The following LPIN2 variants were observed in gnomAD, a reference collection of about 807,000 sequenced individuals.
LPIN2 encodes the protein phosphatidate phosphatase LPIN2.
LPIN2 carries 55 observed loss-of-function variants against 111.4 expected under a neutral mutation model. The ratio of observed to expected loss-of-function variants is 0.49; its 90% CI spans 0.40 to 0.62. LPIN2 has a LOEUF of 0.62. Among genes scored for constraint, LPIN2 ranks in the 20% least tolerant of loss-of-function variants. The pLI, the probability that LPIN2 is intolerant of heterozygous loss-of-function variation, is 0.00. For missense variants in LPIN2, 992 were observed against 1,112.1 expected (o/e 0.89, Z 1.54); for synonymous variants, 425 against 414.0 (o/e 1.03, Z -0.32).
intron 1 of LPIN2, among the ~76,000 whole-genome samples, chr18:3,007,530 T>C (rs2143503763): frequency 6.6e-6 from 1 of 152,370 alleles, no homozygotes; most frequent in South Asian, 2.1e-4. Flanking sequence ...ATGTAATATG[T>C]GGACAGACGT....
rs572608671 is a variant in LPIN2, at chr18:3,008,271, G to C, written c.-10+4816C>G. On this transcript the variant is annotated intron_variant, in intron 1 of 19. Transcript: ENST00000677752. ...AGCCTGGGCAACATGATGATACCTTGTCCTACAGAAAAGTACAAAAATTAG... is the reference window on the plus strand; with the variant it reads ...AGCCTGGGCAACATGATGATACCTTCTCCTACAGAAAAGTACAAAAATTAG... Among the ~76,000 whole-genome samples the C allele has an allele frequency of 3.3e-5, 5 of 152,208 alleles. No homozygotes were observed. In the East Asian group the frequency reaches 9.7e-4, roughly 29 times the overall value.
At chr18:2,934,545 G>A in intron 7 of LPIN2, 95 bp from the exon 8 acceptor site, 2 of 797,490 alleles carry the variant, frequency 2.5e-6, no homozygotes, top group African/African-American at 3.4e-5. Flanking sequence ...AGAGTGACAA[G>A]CAGGATTTGA....
Position 2,924,529 on chromosome 18 carries a change from G to A in LPIN2, c.1956C>T (p.His652=), listed in dbSNP as rs750220265. 1.6e-5 allele frequency: 26 copies of A among 1,614,088 alleles called. No individual in the cohort carries two copies. Among genetic ancestry groups the A allele is most frequent in the African/African-American group, 1.2e-4 (9 of 74,916 alleles). Residue 652 remains histidine, a synonymous_variant, in exon 15 of 20, where the codon CAC becomes CAT. Coordinates refer to ENST00000677752, the MANE Select transcript of LPIN2 (RefSeq NM_001375808.2). ...SSDQIAKLKL[H]DGPNDVVFSI... ...TAAACACAACATCATTTGGGCCATC[G>A]TGGAGCTTCAGTTTTGCCTTTTAAA... is the stretch of plus-strand genomic sequence containing the variant.
intron 10 of LPIN2, 26 bp from the exon 11 acceptor site, chr18:2,928,686 A>C (rs777676234): frequency 1.3e-6 from 2 of 1,579,956 alleles, no homozygotes; most frequent in Non-Finnish European, 1.7e-6. Flanking sequence ...ATTGTGCAAA[A>C]CCATTACACA....
At chr18:2,923,626 A>AC (rs2077088781) in intron 16 of LPIN2, 149 bp downstream of exon 16, 1 of 758,318 alleles carries the variant, frequency 1.3e-6, no homozygotes, top group Non-Finnish European at 2.3e-6. Flanking sequence ...CGGCTCCCAC[A>AC]CCATCAACAG....
At chr18:2,931,591 T>A in intron 8 of LPIN2, 148 bp from the exon 9 acceptor site, 2 of 754,746 alleles carry the variant, frequency 2.6e-6, no homozygotes, top group South Asian at 3.0e-5. Flanking sequence ...TTTTCTTAGA[T>A]AGGGTTTAGA....
At chr18:3,000,813 T>C (rs1329696176) in intron 1 of LPIN2, among the ~76,000 whole-genome samples, 1 of 152,164 alleles carries the variant, frequency 6.6e-6, no homozygotes, top group African/African-American at 2.4e-5. Flanking sequence ...ACTTCCCGTG[T>C]TCCCTCCTAA....
chr18:2,920,914 GGGA>G (rs752730170), intron 18 of LPIN2, 33 bp from the exon 19 acceptor site: 46 of 1,443,288 alleles, frequency 3.2e-5, no homozygotes, highest in East Asian at 4.5e-5. Context: ...GGTGATTCCA[GGGA>G]GGAGAATTCA....
At chr18:2,949,177 G>A (rs2077498453) in intron 4 of LPIN2, among the ~76,000 whole-genome samples, 1 of 152,140 alleles carries the variant, frequency 6.6e-6, no homozygotes, top group Non-Finnish European at 1.5e-5. Context: ...TTCTCCTAGT[G>A]AAGAGAAGGA....
In LPIN2 at chr18:2,937,860, T is replaced by A. The variant is rs2077311442; in HGVS notation, c.1000A>T (p.Thr334Ser). ...IVKPKPRALG[T>S]QMSDPTSVAE... The stretch of plus-strand genomic sequence containing the variant: ...ACAGATGTTGGGTCGCTCATCTGTG[T>A]ACCCAGGGCTCTGGGTTTGGGCTTC... The change falls in exon 7 of 20, where the codon ACA (threonine) becomes TCA (serine). Residue 334 changes from threonine to serine, a missense_variant. By Grantham distance (58) the Thr-to-Ser change is moderately conservative. Coordinates refer to ENST00000677752, the MANE Select transcript of LPIN2 (RefSeq NM_001375808.2). 6.2e-7 allele frequency: 1 copy of A among 1,614,128 alleles called. No homozygotes were observed. The highest frequency in any genetic ancestry group is 2.2e-5 in the East Asian group (1 of 44,866).
At chr18:3,010,459 T>C (rs143903988) in intron 1 of LPIN2, among the ~76,000 whole-genome samples, 1,600 of 152,184 alleles carry the variant, frequency 0.011, 24 homozygotes, top group African/African-American at 0.036. Flanking sequence ...CACGAGACTC[T>C]GGGTCTCATT....
intron 4 of LPIN2, chr18:2,946,470 C>T (rs763911690): frequency 1.3e-6 from 2 of 1,517,778 alleles, no homozygotes; most frequent in Non-Finnish European, 1.8e-6. Context: ...TATGTGCAAG[C>T]ATCGTCGGAA....
chr18:3,000,029 T>C (rs977672721), intron 1 of LPIN2, among the ~76,000 whole-genome samples: 23 of 23,156 alleles, frequency 9.9e-4, no homozygotes, highest in African/African-American at 1.5e-3. Flanking sequence ...ATCTCTGTTT[T>C]GTTTTTTTTT....
At chr18:3,010,784 T>C (rs1293526669) in intron 1 of LPIN2, among the ~76,000 whole-genome samples, 2 of 152,172 alleles carry the variant, frequency 1.3e-5, no homozygotes, top group East Asian at 1.9e-4. Context: ...TGTGCTGATA[T>C]ATATTAGGAA....
At chr18:3,003,094 T>C (rs1459165133) in intron 1 of LPIN2, among the ~76,000 whole-genome samples, 3 of 152,230 alleles carry the variant, frequency 2.0e-5, no homozygotes, top group Non-Finnish European at 2.9e-5. Context: ...GTTATCTCCC[T>C]ATTACAAAAG....
At chr18:2,973,965 G>A (rs940590799) in intron 1 of LPIN2, among the ~76,000 whole-genome samples, 2 of 152,174 alleles carry the variant, frequency 1.3e-5, no homozygotes, top group African/African-American at 4.8e-5. Flanking sequence ...TGCTCATTCT[G>A]TACTATAAAC....
At chr18:3,010,496 T>C (rs565234167) in intron 1 of LPIN2, among the ~76,000 whole-genome samples, 1 of 152,126 alleles carries the variant, frequency 6.6e-6, no homozygotes, top group South Asian at 2.1e-4. Context: ...TACCAAGCAG[T>C]GAAGGGTATT....
chr18:2,956,761 C>T (rs575502030), intron 2 of LPIN2, among the ~76,000 whole-genome samples: 1 of 152,314 alleles, frequency 6.6e-6, no homozygotes, highest in South Asian at 2.1e-4. Flanking sequence ...AAAATTAACA[C>T]TTCACAGCCC....
At chr18:2,989,943 T>A (rs1397806243) in intron 1 of LPIN2, among the ~76,000 whole-genome samples, 1 of 149,242 alleles carries the variant, frequency 6.7e-6, no homozygotes, top group East Asian at 2.0e-4. Flanking sequence ...AAAATTACAG[T>A]AATCAAAACA....
Sources: allele counts gnomAD v4.1 joint callset (sites outside exome capture counted in the v4.1 genomes callset), GRCh38; gene constraint gnomAD v4.1.1; transcripts MANE v1.5; gene names NCBI Gene and HGNC (gene_info 2026-07-23, HGNC 2026-07-21).